The following PAPPA2 variants were observed in gnomAD, a reference collection of about 807,000 sequenced individuals.
The protein encoded by PAPPA2 is pappalysin 2, also known as pappalysin-2.
In PAPPA2, 86 loss-of-function variants were observed where a neutral mutation model predicts 176.4. The observed-to-expected ratio is 0.49, with a 90% CI of 0.41 to 0.58. The LOEUF (loss-of-function observed/expected upper bound fraction) is 0.58, where lower values mean the gene tolerates loss of function less well. Among genes scored for constraint, PAPPA2 ranks in the 20% least tolerant of loss-of-function variants. The pLI, the probability that PAPPA2 is intolerant of heterozygous loss-of-function variation, is 0.00. For synonymous variants in PAPPA2, 809 were observed against 852.2 expected (o/e 0.95, Z 0.88); for missense variants, 2,073 against 2,256.9 (o/e 0.92, Z 1.65).
At chr1:176,595,662 G>A (rs1653940018) in intron 3 of PAPPA2, 67 bp downstream of exon 3, 21 of 1,458,902 alleles carry the variant, frequency 1.4e-5, no homozygotes, top group Non-Finnish European at 1.8e-5. Flanking sequence ...TATCTGTTTG[G>A]TTTTGGAGGC....
At chr1:176,519,694 C>G (rs1444992297) in intron 1 of PAPPA2, among the ~76,000 whole-genome samples, 1 of 152,202 alleles carries the variant, frequency 6.6e-6, no homozygotes, top group Non-Finnish European at 1.5e-5. Flanking sequence ...TGCCTATCAC[C>G]TGTCCACATA....
At chr1:176,828,649 C>T (rs1372190752) in intron 21 of PAPPA2, among the ~76,000 whole-genome samples, 1 of 152,000 alleles carries the variant, frequency 6.6e-6, no homozygotes, top group East Asian at 1.9e-4. Context: ...CATATACATA[C>T]ATATGCACAT....
At chr1:176,715,233 T>A (rs1276186881) in intron 12 of PAPPA2, among the ~76,000 whole-genome samples, 1 of 152,226 alleles carries the variant, frequency 6.6e-6, no homozygotes, top group Non-Finnish European at 1.5e-5. Context: ...AATGCTCTAA[T>A]CTAACTCTAG....
At chr1:176,543,266 T>G (rs1214402424) in intron 1 of PAPPA2, among the ~76,000 whole-genome samples, 1 of 152,178 alleles carries the variant, frequency 6.6e-6, no homozygotes, top group Non-Finnish European at 1.5e-5. Context: ...CAATGGAAAG[T>G]GCTGCTGTCC....
intron 3 of PAPPA2, among the ~76,000 whole-genome samples, chr1:176,612,207 AATATGG>A (rs2102679249): frequency 6.6e-6 from 1 of 152,254 alleles, no homozygotes; most frequent in African/African-American, 2.4e-5. Flanking sequence ...CAGCCTGGCC[AATATGG>A]TGGAACCCCG....
At chr1:176,603,515 A>G (rs150585504) in intron 3 of PAPPA2, among the ~76,000 whole-genome samples, 1 of 152,230 alleles carries the variant, frequency 6.6e-6, no homozygotes, top group Non-Finnish European at 1.5e-5. Context: ...GAAGCTCCTG[A>G]TCTATTATTA....
rs141111477 is a variant in PAPPA2, at chr1:176,556,717, A to T, written c.395A>T (p.Asp132Val). Residue 132 changes from aspartate to valine, a missense_variant, in exon 2 of 23, where the codon GAT becomes GTT. Asp to Val is a radical substitution (Grantham distance 152). Around this residue, in one of 4 missense-constraint regions of PAPPA2, gnomAD observed 1,196 missense variants for 1,330.4 expected, o/e 0.90. Transcript: ENST00000367662. Reference protein sequence around the residue: ...VEEPAAPWVGDSPIGQSELLG... With the variant: ...VEEPAAPWVGVSPIGQSELLG... ...GAGCCGGCTGCCCCATGGGTAGGGG[A>T]TAGTCCTATTGGGCAATCTGAGCTG... 6.2e-7 allele frequency: 1 copy of T among 1,614,054 alleles called. No individual in the cohort carries two copies. Among genetic ancestry groups the T allele is most frequent in the East Asian group, 2.2e-5 (1 of 44,868 alleles).
At chr1:176,513,595 C>A (rs1033917018) in intron 1 of PAPPA2, among the ~76,000 whole-genome samples, 1 of 152,134 alleles carries the variant, frequency 6.6e-6, no homozygotes, top group Admixed American at 6.6e-5. Context: ...TTCTGTGAAC[C>A]AGTTGTGTTA....
intron 1 of PAPPA2, among the ~76,000 whole-genome samples, chr1:176,555,019 G>T (rs1651190560): frequency 1.3e-5 from 2 of 151,680 alleles, no homozygotes. Context: ...GAGAGAGAGA[G>T]AGAGGGAGAA....
At chr1:176,557,735 T>C (rs1294884882) in intron 2 of PAPPA2, among the ~76,000 whole-genome samples, 1 of 152,102 alleles carries the variant, frequency 6.6e-6, no homozygotes, top group African/African-American at 2.4e-5. Context: ...CTGGTTTCCT[T>C]TTCTCTGAGT....
chr1:176,801,385 C>T (rs974017756), intron 21 of PAPPA2, among the ~76,000 whole-genome samples: 1 of 152,070 alleles, frequency 6.6e-6, no homozygotes, highest in Non-Finnish European at 1.5e-5. Flanking sequence ...TGATCTAATT[C>T]TGGGAATCCA....
intron 2 of PAPPA2, among the ~76,000 whole-genome samples, chr1:176,564,773 A>G (rs1651866252): frequency 6.7e-6 from 1 of 148,938 alleles, no homozygotes; most frequent in African/African-American, 2.5e-5. Context: ...ACTTATCTTA[A>G]AGTTCACGTG....
chr1:176,557,319 C>T (rs1651378903), intron 2 of PAPPA2, 78 bp downstream of exon 2: 1 of 1,449,946 alleles, frequency 6.9e-7, no homozygotes, highest in Non-Finnish European at 9.1e-7. Flanking sequence ...ACATAGGGAG[C>T]GAGGATGGGA....
intron 6 of PAPPA2, among the ~76,000 whole-genome samples, chr1:176,695,269 A>G (rs1413877129): frequency 6.6e-6 from 1 of 152,186 alleles, no homozygotes; most frequent in Admixed American, 6.5e-5. Flanking sequence ...CCTGACTTTT[A>G]TTTTATGTAA....
intron 21 of PAPPA2, among the ~76,000 whole-genome samples, chr1:176,820,492 T>C (rs1376072319): frequency 1.3e-5 from 2 of 152,222 alleles, no homozygotes; most frequent in Non-Finnish European, 2.9e-5. Flanking sequence ...TCAGCCTTCC[T>C]GAAGCACACA....
Position 176,701,346 on chromosome 1 carries a change from T to C in PAPPA2, c.3237-1261T>C, listed in dbSNP as rs146716525. ...AGTCCTTTCCCCAGCCACAGAAAAG[T>C]GTGAAGCTTTTATGCATGGCTGGAC... On this transcript the variant is annotated intron_variant, in intron 8 of 22. Coordinates refer to ENST00000367662, the MANE Select transcript of PAPPA2 (RefSeq NM_020318.3). Among the ~76,000 whole-genome samples the C allele has an allele frequency of 1.4e-3, 208 of 152,270 alleles. 1 individual carries two copies. Among genetic ancestry groups the C allele is most frequent in the African/African-American group, 4.8e-3 (200 of 41,552 alleles).
At chr1:176,546,629 C>T (rs553670142) in intron 1 of PAPPA2, among the ~76,000 whole-genome samples, 17 of 152,210 alleles carry the variant, frequency 1.1e-4, no homozygotes, top group South Asian at 2.1e-4. Context: ...ATAATTATTG[C>T]AAAAGAGAAT....
At chr1:176,490,789 G>T (rs1443382829) in intron 1 of PAPPA2, among the ~76,000 whole-genome samples, 1 of 152,134 alleles carries the variant, frequency 6.6e-6, no homozygotes, top group Non-Finnish European at 1.5e-5. Flanking sequence ...CAGGCCACTT[G>T]ACTGTTTCTC....
In PAPPA2 at chr1:176,556,986, T is replaced by C; in HGVS notation, c.664T>C (p.Trp222Arg). 6.2e-7 allele frequency: 1 copy of C among 1,613,964 alleles called. No individual in the cohort carries two copies. Among genetic ancestry groups the C allele is most frequent in the Non-Finnish European group, 8.5e-7 (1 of 1,179,986 alleles). Residue 222 changes from tryptophan (W) to arginine (R), a missense_variant, in exon 2 of 23, where the codon TGG becomes CGG. Physicochemically the swap from Trp to Arg is moderately radical, Grantham distance 101. Around this residue, in one of 4 missense-constraint regions of PAPPA2, gnomAD observed 1,196 missense variants for 1,330.4 expected, o/e 0.90. Coordinates refer to ENST00000367662, the MANE Select transcript of PAPPA2 (RefSeq NM_020318.3). ...DSGISSHFQPWPKHSLKHRVK... is the reference protein window; with the variant it reads ...DSGISSHFQPRPKHSLKHRVK... ...CGGTATCTCTTCACATTTCCAACCTTGGCCCAAGCATTCCCTTAAACACAG... is the reference window on the plus strand; with the variant it reads ...CGGTATCTCTTCACATTTCCAACCTCGGCCCAAGCATTCCCTTAAACACAG...
Sources: gnomAD v4.1 joint callset for allele counts (sites outside exome capture counted in the v4.1 genomes callset) on GRCh38, gnomAD v4.1.1 for gene constraint, gnomAD v4.1.1 regional missense constraint, MANE v1.5 for transcripts, NCBI Gene and HGNC (gene_info 2026-07-23, HGNC 2026-07-21) for gene names.